Variants in MACROD2 observed in about 807,000 individuals in gnomAD.
The protein encoded by MACROD2 is ADP-ribose glycohydrolase MACROD2.
A neutral mutation model predicts 70.4 loss-of-function variants in MACROD2; 36 were observed. The observed-to-expected ratio is 0.51, with a 90% CI of 0.39 to 0.68. The LOEUF (loss-of-function observed/expected upper bound fraction) is 0.68. Among genes scored for constraint, MACROD2 ranks in the 30% least tolerant of loss-of-function variants. The pLI is 0.00. For missense variants in MACROD2, 496 were observed against 538.4 expected, an observed-to-expected ratio of 0.92 and a Z score of 0.78; for synonymous variants, 172 against 178.8, an observed-to-expected ratio of 0.96 and a Z score of 0.30.
chr20:14,621,045 G>A (rs997047125), intron 4 of MACROD2, among the ~76,000 whole-genome samples: 10 of 151,996 alleles, frequency 6.6e-5, no homozygotes, highest in South Asian at 2.1e-4. Flanking sequence ...AGTACAGAGC[G>A]TACTACTGAT....
chr20:15,104,900 A>G (rs1388639193), intron 5 of MACROD2, among the ~76,000 whole-genome samples: 3 of 152,298 alleles, frequency 2.0e-5, no homozygotes, highest in East Asian at 1.9e-4. Context: ...ATGAAAGACC[A>G]TAGTATTGTT....
intron 5 of MACROD2, among the ~76,000 whole-genome samples, chr20:15,167,708 T>C (rs1012794812): frequency 3.9e-5 from 6 of 152,236 alleles, no homozygotes; most frequent in Non-Finnish European, 5.9e-5. Context: ...GCAAAAAATA[T>C]AATTCACTCA....
intron 12 of MACROD2, among the ~76,000 whole-genome samples, chr20:15,957,845 A>G (rs2065999775): frequency 6.6e-6 from 1 of 152,138 alleles, no homozygotes; most frequent in Admixed American, 6.6e-5. Context: ...CTCTCCAGTG[A>G]TGTAGGGAGC....
intron 5 of MACROD2, among the ~76,000 whole-genome samples, chr20:14,691,066 C>A (rs111622527): frequency 0.031 from 4,783 of 152,176 alleles, 101 homozygotes; most frequent in Non-Finnish European, 0.046. Context: ...TACAGGCATG[C>A]GCCACAACAC....
chr20:15,795,139 C>A (rs191173381), intron 8 of MACROD2, among the ~76,000 whole-genome samples: 1 of 152,186 alleles, frequency 6.6e-6, no homozygotes, highest in African/African-American at 2.4e-5. Context: ...GCAATTGCAA[C>A]CTTCCTAGCC....
At chr20:15,058,580 G>T (rs548570560) in intron 5 of MACROD2, among the ~76,000 whole-genome samples, 2 of 152,276 alleles carry the variant, frequency 1.3e-5, no homozygotes, top group East Asian at 3.9e-4. Context: ...GCAACTGTAG[G>T]TAGAAGATGT....
intron 5 of MACROD2, among the ~76,000 whole-genome samples, chr20:15,017,990 G>A (rs551455275): frequency 1.4e-4 from 22 of 152,298 alleles, no homozygotes; most frequent in South Asian, 4.1e-4. Flanking sequence ...CATTTTCCTC[G>A]TGGTCTTGGG....
intron 5 of MACROD2, among the ~76,000 whole-genome samples, chr20:15,062,602 A>C (rs1353426953): frequency 6.6e-6 from 1 of 152,130 alleles, no homozygotes; most frequent in Non-Finnish European, 1.5e-5. Flanking sequence ...AGTGTTAATA[A>C]AAACTTAATG....
chr20:15,910,873 T>C (rs1214359171), intron 10 of MACROD2, among the ~76,000 whole-genome samples: 1 of 152,210 alleles, frequency 6.6e-6, no homozygotes, highest in Admixed American at 6.5e-5. Context: ...AAAAGTCTAT[T>C]TGATACTTAA....
rs548787115 is a variant in MACROD2, at chr20:15,691,971, G to A, written c.646-170774G>A. On this transcript the variant is annotated intron_variant, in intron 8 of 17. Transcript: ENST00000684519. ...ATATAGTTTTCAAGTACCGGACCTC[G>A]GTTCTTAGATACTTTTCATTATATG... 5.9e-5 allele frequency among the ~76,000 whole-genome samples: 9 copies of A among 152,180 alleles called. No individual in the cohort carries two copies. The South Asian group carries it at 1.5e-3, about 25-fold the overall frequency.
chr20:15,257,408 A>G (rs73101216), intron 6 of MACROD2, among the ~76,000 whole-genome samples: 2,037 of 152,234 alleles, frequency 0.013, 22 homozygotes, highest in South Asian at 0.038. Flanking sequence ...GAACCTATCA[A>G]GTGCTAGGCA....
chr20:14,644,453 G>A (rs1016351646), intron 4 of MACROD2, among the ~76,000 whole-genome samples: 1 of 152,084 alleles, frequency 6.6e-6, no homozygotes, highest in Non-Finnish European at 1.5e-5. Flanking sequence ...TTCAGAAATG[G>A]TTTTATAATT....
At chr20:15,870,271 C>A (rs1487914988) in intron 9 of MACROD2, among the ~76,000 whole-genome samples, 1 of 150,338 alleles carries the variant, frequency 6.7e-6, no homozygotes, top group Non-Finnish European at 1.5e-5. Flanking sequence ...ATTATTTGAC[C>A]TTTTTATCTT....
At chr20:15,302,216 G>A (rs1488186673) in intron 6 of MACROD2, among the ~76,000 whole-genome samples, 1 of 152,088 alleles carries the variant, frequency 6.6e-6, no homozygotes, top group East Asian at 1.9e-4. Context: ...TCCATTTAAT[G>A]TCTTTCTGAA....
intron 2 of MACROD2, among the ~76,000 whole-genome samples, chr20:14,007,316 G>T (rs1393838905): frequency 6.6e-6 from 1 of 151,966 alleles, no homozygotes; most frequent in Non-Finnish European, 1.5e-5. Context: ...TCCTCCACAG[G>T]TGACCAAAGA....
At chr20:14,427,139 C>CT (rs1217769311) in intron 3 of MACROD2, among the ~76,000 whole-genome samples, 3 of 151,174 alleles carry the variant, frequency 2.0e-5, no homozygotes, top group Admixed American at 6.6e-5. Flanking sequence ...CTTCTTTTAT[C>CT]TTTTTTTTTA....
At chr20:15,926,536 A>G (rs1203870033) in intron 10 of MACROD2, among the ~76,000 whole-genome samples, 1 of 152,222 alleles carries the variant, frequency 6.6e-6, no homozygotes, top group East Asian at 1.9e-4. Flanking sequence ...GGACAATTGA[A>G]GAACCAAAGA....
chr20:14,435,243 C>A (rs2094077997), intron 3 of MACROD2, among the ~76,000 whole-genome samples: 1 of 152,128 alleles, frequency 6.6e-6, no homozygotes, highest in African/African-American at 2.4e-5. Flanking sequence ...TGGACTTCTT[C>A]TCTGTCTGCG....
intron 8 of MACROD2, among the ~76,000 whole-genome samples, chr20:15,829,351 C>T (rs16996637): frequency 0.13 from 20,112 of 152,128 alleles, 1,481 homozygotes; most frequent in African/African-American, 0.16. Flanking sequence ...CATCGTATTC[C>T]GTGTTGTCTC....
Sources: allele counts gnomAD v4.1 joint callset (sites outside exome capture counted in the v4.1 genomes callset), GRCh38; gene constraint gnomAD v4.1.1; transcripts MANE v1.5; gene names NCBI Gene and HGNC (gene_info 2026-07-23, HGNC 2026-07-21).